The following UNC45B variants were observed in gnomAD, a reference collection of about 807,000 sequenced individuals.
UNC45B encodes protein unc-45 homolog B.
A neutral mutation model predicts 98.7 loss-of-function variants in UNC45B; 78 were observed. The ratio of observed to expected loss-of-function variants is 0.79; its 90% CI spans 0.66 to 0.95. The LOEUF (loss-of-function observed/expected upper bound fraction) is 0.95, where lower values mean the gene tolerates loss of function less well. Ranked by LOEUF, UNC45B falls within the 40% of genes least tolerant of loss-of-function variation. UNC45B has a pLI of 0.00. For missense variants in UNC45B, 1,225 were observed against 1,184.9 expected, an observed-to-expected ratio of 1.03 and a Z score of -0.50; for synonymous variants, 462 against 480.4, an observed-to-expected ratio of 0.96 and a Z score of 0.50.
intron 18 of UNC45B, among the ~76,000 whole-genome samples, chr17:35,183,044 T>C (rs941313744): frequency 6.6e-6 from 1 of 151,674 alleles, no homozygotes; most frequent in Non-Finnish European, 1.5e-5. Context: ...TGCAAAATCA[T>C]TTTATGGAAG....
intron 19 of UNC45B, among the ~76,000 whole-genome samples, chr17:35,184,779 G>A (rs776778941): frequency 1.3e-5 from 2 of 152,144 alleles, no homozygotes; most frequent in East Asian, 1.9e-4. Flanking sequence ...TCTTCCTTGC[G>A]GGGCTCAGAC....
chr17:35,174,579 G>A (rs1303418312), intron 14 of UNC45B, among the ~76,000 whole-genome samples: 1 of 152,174 alleles, frequency 6.6e-6, no homozygotes, highest in Non-Finnish European at 1.5e-5. Flanking sequence ...CAGGGCTTTG[G>A]GAGGCCCAGG....
rs758199129 is a variant in UNC45B, at chr17:35,154,647, C to T, written c.545C>T (p.Ala182Val). 2.5e-6 allele frequency: 4 copies of T among 1,613,480 alleles called. No individual in the cohort carries two copies. The highest frequency in any genetic ancestry group is 3.4e-6 in the Non-Finnish European group (4 of 1,179,840). ...AAGATCTTCCAGAACAATGGAGTAG[C>T]CTTGCTACTGCAGCTTCTGGACACT... ...AEKIFQNNGV[A>V]LLLQLLDTKK... Residue 182 changes from alanine (A) to valine (V), a missense_variant, in exon 6 of 20, where the codon GCC (alanine) becomes GTC (valine). Coordinates refer to ENST00000394570, the MANE Select transcript of UNC45B (RefSeq NM_001267052.2).
chr17:35,176,277 C>A (rs1044222069), intron 15 of UNC45B, among the ~76,000 whole-genome samples: 6 of 152,136 alleles, frequency 3.9e-5, no homozygotes, highest in Non-Finnish European at 5.9e-5. Flanking sequence ...AGACCCTGGA[C>A]TTTGATGTAG....
At chr17:35,169,552 T>G (rs2142566565) in intron 10 of UNC45B, among the ~76,000 whole-genome samples, 2 of 152,252 alleles carry the variant, frequency 1.3e-5, no homozygotes, top group Non-Finnish European at 2.9e-5. Context: ...TGCTGGTTTT[T>G]CAAAATGGCA....
Position 35,187,129 on chromosome 17 carries a change from C to T in UNC45B, c.*570C>T, listed in dbSNP as rs758773592. 6.5e-6 allele frequency: 1 copy of T among 153,204 alleles called. No homozygotes were observed. Among genetic ancestry groups the T allele is most frequent in the Non-Finnish European group, 1.5e-5 (1 of 68,506 alleles). 9.5% of individuals were successfully genotyped at this position (153,204 alleles called of 1,614,324 possible). ...GTTTATGTTCAACAGTGGGGCATGA[C>T]CTCTGCAATTTGCTTGGGAAAGTCT... On this transcript the variant is annotated 3_prime_UTR_variant, in exon 20 of 20. Transcript: ENST00000394570.
chr17:35,148,735 CTTCA>C (rs150990717), intron 2 of UNC45B, among the ~76,000 whole-genome samples: 1,589 of 152,248 alleles, frequency 0.01, 31 homozygotes, highest in East Asian at 0.039. Context: ...ATCCAGAGGG[CTTCA>C]TTCATTAACT....
chr17:35,159,618 A>G, intron 8 of UNC45B, 73 bp downstream of exon 8: 1 of 1,525,894 alleles, frequency 6.6e-7, no homozygotes, highest in Admixed American at 1.8e-5. Flanking sequence ...CAGAAAATGG[A>G]AGATGTGAGG....
intron 7 of UNC45B, among the ~76,000 whole-genome samples, chr17:35,155,680 C>T (rs1312868780): frequency 1.3e-5 from 2 of 152,164 alleles, no homozygotes; most frequent in Non-Finnish European, 2.9e-5. Context: ...AGCACTTCTC[C>T]TGCCTCAGCC....
chr17:35,152,300 G>A (rs1046668396), intron 4 of UNC45B, among the ~76,000 whole-genome samples: 3 of 152,074 alleles, frequency 2.0e-5, no homozygotes, highest in African/African-American at 7.2e-5. Context: ...GGAGTAGTGT[G>A]GACCCCCCCA....
At position 35,177,479 on chromosome 17, in the gene UNC45B, G is replaced by C. The variant is rs749779690; in HGVS notation, c.2140-16G>C. 2 of 1,548,420 alleles carry C rather than the reference G, an allele frequency of 1.3e-6. No individual in the cohort carries two copies. The highest frequency in any genetic ancestry group is 1.7e-6 in the Non-Finnish European group (2 of 1,143,574). Reference sequence around the variant, plus strand: ...AAAGTCCTCACCTGACCAAACCCTTGACCCCTCCCCAACAGGTGTATGAGG... The same window carrying C: ...AAAGTCCTCACCTGACCAAACCCTTCACCCCTCCCCAACAGGTGTATGAGG... On this transcript the variant is annotated splice_polypyrimidine_tract_variant and intron_variant, in intron 16 of 19. Coordinates refer to ENST00000394570, the MANE Select transcript of UNC45B (RefSeq NM_001267052.2).
At position 35,186,741 on chromosome 17, in the gene UNC45B, G is replaced by T; in HGVS notation, c.*182G>T. 1.6e-6 allele frequency: 1 copy of T among 619,952 alleles called. No individual in the cohort carries two copies. Among genetic ancestry groups the T allele is most frequent in the African/African-American group, 1.8e-5 (1 of 54,392 alleles). The allele number at this position is 619,952 out of a possible 1,614,324, so 38.4% of individuals were successfully genotyped here. On this transcript the variant is annotated 3_prime_UTR_variant, in exon 20 of 20. Coordinates refer to ENST00000394570, the MANE Select transcript of UNC45B (RefSeq NM_001267052.2). ...TTCTCCTTTGTCCTGACAGAGTTTG[G>T]ATGTTTCACTCTCTCTCTTGCTTCC...
chr17:35,149,747 C>A (rs533988451), intron 3 of UNC45B, among the ~76,000 whole-genome samples: 2 of 152,292 alleles, frequency 1.3e-5, no homozygotes, highest in African/African-American at 4.8e-5. Context: ...GGGAGCTCCC[C>A]ACTGCTGGAG....
intron 14 of UNC45B, among the ~76,000 whole-genome samples, chr17:35,175,268 G>A (rs1292521922): frequency 6.6e-6 from 1 of 152,186 alleles, no homozygotes; most frequent in African/African-American, 2.4e-5. Context: ...CTTGTTCTCA[G>A]AGATTAAAGG....
chr17:35,168,511 G>A (rs2092158314), intron 10 of UNC45B, 150 bp downstream of exon 10: 1 of 561,402 alleles, frequency 1.8e-6, no homozygotes, highest in Non-Finnish European at 2.7e-6. Context: ...GCAGAACAGG[G>A]CAATATCCAG....
chr17:35,182,448 C>A lies in UNC45B; in HGVS notation c.2374-979C>A, dbSNP rs1253336825. ...GGCTTCTTTGATCATCAAGAACTGT[C>A]TTCTCCTCTGCCACACTGGGAGTGG... On this transcript the variant is annotated intron_variant, in intron 18 of 19. Transcript: ENST00000394570. Among the ~76,000 whole-genome samples, 6 of 151,714 alleles carry A rather than the reference C, an allele frequency of 4.0e-5. No homozygotes were observed. The South Asian group carries it at 1.3e-3, about 32-fold the overall frequency.
intron 19 of UNC45B, among the ~76,000 whole-genome samples, chr17:35,185,022 C>CT (rs1189025462): frequency 4.6e-5 from 7 of 152,178 alleles, no homozygotes; most frequent in Non-Finnish European, 8.8e-5. Context: ...GCGATGGGCC[C>CT]TGGACCCATT....
chr17:35,162,957 A>G (rs896010745), intron 8 of UNC45B, among the ~76,000 whole-genome samples: 4 of 152,162 alleles, frequency 2.6e-5, no homozygotes, highest in African/African-American at 7.2e-5. Flanking sequence ...CTGTTGCCCC[A>G]GAGGCAACAT....
In UNC45B at chr17:35,148,991, G is replaced by C. The variant is rs2091997051; in HGVS notation, c.187G>C (p.Ala63Pro). The stretch of plus-strand genomic sequence containing the variant: ...TCCTCAGGAGAGCTACGTCCAGGCA[G>C]CTTCAGATGCCTCCAGAGGTGAGCC... ...GLKTESYVQA[A>P]SDASRAIDIN... Residue 63 changes from alanine (A) to proline (P), a missense_variant, in exon 3 of 20, where the codon GCT becomes CCT. Transcript: ENST00000394570. 6.2e-7 allele frequency: 1 copy of C among 1,614,018 alleles called. No individual in the cohort carries two copies. Among genetic ancestry groups the C allele is most frequent in the Non-Finnish European group, 8.5e-7 (1 of 1,180,030 alleles).
Sources: gnomAD v4.1 joint callset for allele counts (sites outside exome capture counted in the v4.1 genomes callset) on GRCh38, gnomAD v4.1.1 for gene constraint, MANE v1.5 for transcripts, NCBI Gene and HGNC (gene_info 2026-07-23, HGNC 2026-07-21) for gene names.